The following EXD3 variants were observed in gnomAD, a reference collection of about 807,000 sequenced individuals.
EXD3 encodes exonuclease 3'-5' domain containing 3, also known as exonuclease mut-7 homolog.
A neutral mutation model predicts 98.0 loss-of-function variants in EXD3; 92 were observed. The ratio of observed to expected loss-of-function variants is 0.94; its 90% CI spans 0.79 to 1.12. The LOEUF (loss-of-function observed/expected upper bound fraction) is 1.12, where lower values mean the gene tolerates loss of function less well. EXD3 is among the 50% of genes most tolerant of loss of function. EXD3 has a pLI of 0.00. For synonymous variants in EXD3, 569 were observed against 526.0 expected, an observed-to-expected ratio of 1.08 and a Z score of -1.12; for missense variants, 1,222 against 1,191.6, an observed-to-expected ratio of 1.03 and a Z score of -0.38.
intron 3 of EXD3, among the ~76,000 whole-genome samples, chr9:137,375,473 C>T (rs939459456): frequency 8.6e-5 from 13 of 151,304 alleles, no homozygotes; most frequent in Admixed American, 2.7e-4. Context: ...CTAACTCTAG[C>T]GAGTTCTAGG....
chr9:137,368,075 C>G, intron 5 of EXD3, 86 bp from the exon 6 acceptor site: 1 of 1,121,452 alleles, frequency 8.9e-7, no homozygotes, highest in Non-Finnish European at 1.3e-6. Context: ...CCCTTTTGCA[C>G]CAGCACCTGG....
At chr9:137,316,828 G>C (rs1046972741) in intron 19 of EXD3, among the ~76,000 whole-genome samples, 1 of 152,212 alleles carries the variant, frequency 6.6e-6, no homozygotes, top group Non-Finnish European at 1.5e-5. Context: ...CCCCGCACAG[G>C]GGCCTAGGTG....
chr9:137,416,490 C>G (rs1469155189), intron 1 of EXD3, among the ~76,000 whole-genome samples: 1 of 152,246 alleles, frequency 6.6e-6, no homozygotes, highest in South Asian at 2.1e-4. Context: ...CAGAAACATC[C>G]GGCCGGCCCA....
Position 137,351,063 on chromosome 9 carries a change from A to G in EXD3, c.1469T>C (p.Met490Thr), listed in dbSNP as rs766813634. The change falls in exon 14 of 22, where the codon ATG (methionine) becomes ACG (threonine). Residue 490 changes from methionine (M) to threonine (T), a missense_variant. Coordinates refer to ENST00000340951, the MANE Select transcript of EXD3 (RefSeq NM_017820.5). Reference sequence around the variant, plus strand: ...CTGTCTGTGCACCAGCAGCAGGTCCATGCCGCCCAGAATCTGCTTCTCCAC... The same window carrying G: ...CTGTCTGTGCACCAGCAGCAGGTCCGTGCCGCCCAGAATCTGCTTCTCCAC... ...AHVEKQILGG[M>T]DLLLVHRQMR... The G allele has an allele frequency of 2.9e-5, 45 of 1,571,204 alleles. 1 individual carries two copies. Among genetic ancestry groups the G allele is most frequent in the Non-Finnish European group, 3.5e-5 (41 of 1,159,306 alleles).
intron 9 of EXD3, 137 bp from the exon 10 acceptor site, chr9:137,354,514 C>T: frequency 6.5e-7 from 1 of 1,541,288 alleles, no homozygotes; most frequent in African/African-American, 1.4e-5. Flanking sequence ...GGTGCCACAG[C>T]CCAGAGCCAG....
At chr9:137,417,261 G>A (rs1564225066) in intron 1 of EXD3, among the ~76,000 whole-genome samples, 1 of 152,224 alleles carries the variant, frequency 6.6e-6, no homozygotes, top group Non-Finnish European at 1.5e-5. Flanking sequence ...GGACGGGGAT[G>A]GCCAGTTTCC....
chr9:137,408,229 G>C (rs144337352), intron 1 of EXD3, among the ~76,000 whole-genome samples: 1 of 152,102 alleles, frequency 6.6e-6, no homozygotes, highest in South Asian at 2.1e-4. Context: ...GTGCCCCAAA[G>C]CTCCCAAGGG....
intron 19 of EXD3, among the ~76,000 whole-genome samples, chr9:137,312,625 A>T (rs1831425085): frequency 6.6e-6 from 1 of 152,104 alleles, no homozygotes; most frequent in Non-Finnish European, 1.5e-5. Context: ...TGAGGGAAAG[A>T]GCTGCTCAGC....
intron 19 of EXD3, among the ~76,000 whole-genome samples, chr9:137,317,705 C>G (rs1322812581): frequency 6.6e-6 from 1 of 152,102 alleles, no homozygotes; most frequent in Non-Finnish European, 1.5e-5. Context: ...TGACCACCCT[C>G]CTGTCAGCCC....
At chr9:137,322,035 T>C (rs1243844791) in intron 19 of EXD3, among the ~76,000 whole-genome samples, 1 of 152,000 alleles carries the variant, frequency 6.6e-6, no homozygotes, top group African/African-American at 2.4e-5. Context: ...GAGAGGTGAG[T>C]TGGGCTTTGG....
intron 8 of EXD3, among the ~76,000 whole-genome samples, chr9:137,355,353 C>T (rs1165528146): frequency 1.3e-5 from 2 of 151,648 alleles, no homozygotes; most frequent in Non-Finnish European, 2.9e-5. Context: ...CCTTTCAGGG[C>T]CCCACCCCCC....
intron 19 of EXD3, among the ~76,000 whole-genome samples, chr9:137,321,821 G>A (rs188071081): frequency 1.3e-5 from 2 of 152,334 alleles, no homozygotes; most frequent in Admixed American, 6.5e-5. Context: ...ACTGCCGAGA[G>A]CCAGCACAGC....
chr9:137,329,607 T>C (rs868367832), intron 17 of EXD3, among the ~76,000 whole-genome samples: 61 of 752 alleles, frequency 0.081, no homozygotes, highest in Admixed American at 0.16. Flanking sequence ...CTACACGGGG[T>C]CACACGGGAC....
At chr9:137,315,275 C>A (rs1482977384) in intron 19 of EXD3, among the ~76,000 whole-genome samples, 1 of 152,264 alleles carries the variant, frequency 6.6e-6, no homozygotes, top group East Asian at 1.9e-4. Context: ...GGCTTTCGGG[C>A]CTGGGCCCTG....
intron 17 of EXD3, among the ~76,000 whole-genome samples, chr9:137,343,976 C>T (rs1238609745): frequency 6.1e-5 from 9 of 146,812 alleles, no homozygotes; most frequent in African/African-American, 7.6e-5. Flanking sequence ...ACTGCAATCT[C>T]CACCCCCTGG....
chr9:137,380,339 C>G (rs1412936211), intron 3 of EXD3, among the ~76,000 whole-genome samples: 1 of 118,400 alleles, frequency 8.4e-6, no homozygotes, highest in Non-Finnish European at 1.8e-5. Context: ...CAGTATCCCC[C>G]CCCACCCCAA....
intron 3 of EXD3, among the ~76,000 whole-genome samples, chr9:137,377,478 CA>C (rs1835970323): frequency 7.1e-6 from 1 of 140,842 alleles, no homozygotes; most frequent in African/African-American, 2.7e-5. Flanking sequence ...AGGCAGATTT[CA>C]AAAAGGACCT....
chr9:137,307,401 G>A (rs746244822), intron 21 of EXD3, 138 bp from the exon 22 acceptor site: 73 of 1,348,762 alleles, frequency 5.4e-5, no homozygotes, highest in Non-Finnish European at 6.8e-5. Flanking sequence ...CTCCCTATCC[G>A]CTGACTCTGC....
chr9:137,327,852 AT>A (rs1832533712), intron 17 of EXD3, among the ~76,000 whole-genome samples: 1 of 143,436 alleles, frequency 7.0e-6, no homozygotes. Flanking sequence ...AAAACAACGA[AT>A]ATACTCCCAC....
Sources: allele counts gnomAD v4.1 joint callset (sites outside exome capture counted in the v4.1 genomes callset), GRCh38; gene constraint gnomAD v4.1.1; transcripts MANE v1.5; gene names NCBI Gene and HGNC (gene_info 2026-07-23, HGNC 2026-07-21).